KCNQ1: variants seen among roughly 807,000 people sequenced by gnomAD.
KCNQ1 encodes the protein potassium voltage-gated channel subfamily Q member 1.
A neutral mutation model predicts 72.4 loss-of-function variants in KCNQ1; 49 were observed. The observed-to-expected ratio is 0.68, with a 90% CI of 0.54 to 0.86. The LOEUF (loss-of-function observed/expected upper bound fraction) is 0.86, where lower values mean the gene tolerates loss of function less well. KCNQ1 is among the 40% of genes least tolerant of loss of function. KCNQ1 has a pLI of 0.00. For missense variants in KCNQ1, 790 were observed against 945.1 expected, an observed-to-expected ratio of 0.84 and a Z score of 2.15; for synonymous variants, 450 against 412.6, an observed-to-expected ratio of 1.09 and a Z score of -1.10.
rs115432321 is a variant in KCNQ1 at position 2,736,797 on chromosome 11, C to T, written c.1515-32047C>T. Among the ~76,000 whole-genome samples, 462 of 152,336 alleles carry T rather than the reference C, an allele frequency of 3.0e-3. 3 individuals carry two copies. Among genetic ancestry groups the T allele is most frequent in the African/African-American group, 0.011 (443 of 41,580 alleles). On this transcript the variant is annotated intron_variant, in intron 11 of 15. Coordinates refer to ENST00000155840, the MANE Select transcript of KCNQ1 (RefSeq NM_000218.3). ...TCCTGGCTGGCTGGCATGCGCCCTGCGCCTCTGCTGGGCCTGGTGGGGCCT... is the reference window on the plus strand; with the variant it reads ...TCCTGGCTGGCTGGCATGCGCCCTGTGCCTCTGCTGGGCCTGGTGGGGCCT...
Position 2,617,567 on chromosome 11 carries a change from G to C in KCNQ1, c.1393+28713G>C, listed in dbSNP as rs1488761829. On this transcript the variant is annotated intron_variant, in intron 10 of 15. Transcript: ENST00000155840. This position sits in a 1 kb window ranked among gnomAD's most constrained non-coding sequence, Gnocchi z 4.6. ...ATGAGGTGGAGATTTCATTTTCTTT[G>C]GGAATATACCTAGAAGAGGGATTAG... The C allele has an allele frequency of 2.5e-6, 1 of 398,216 alleles. No individual in the cohort carries two copies. The highest frequency in any genetic ancestry group is 4.4e-6 in the Non-Finnish European group (1 of 225,924). 24.7% of individuals were successfully genotyped at this position (398,216 alleles called of 1,614,324 possible).
chr11:2,594,572 T>C (rs2133769158), intron 10 of KCNQ1, among the ~76,000 whole-genome samples: 1 of 152,304 alleles, frequency 6.6e-6, no homozygotes, highest in Middle Eastern at 3.4e-3. Context: ...TCCTCAGCTG[T>C]CTCATAGATT....
rs1470905653 is a variant in KCNQ1 at position 2,824,291 on chromosome 11, C to T, written c.1795-23476C>T. Among the ~76,000 whole-genome samples the T allele has an allele frequency of 6.6e-6, 1 of 152,014 alleles. No homozygotes were observed. The highest frequency in any genetic ancestry group is 2.4e-5 in the African/African-American group (1 of 41,380). ...AGGCCCTGGGAGGAGGGAGGCTAGG[C>T]CCAGGGGTGGAAAGAAGACAGATAC... On this transcript the variant is annotated intron_variant, in intron 15 of 15. Transcript: ENST00000155840. The surrounding 1 kb of genome is among the most constrained non-coding windows in gnomAD (Gnocchi z 5.9).
intron 15 of KCNQ1, among the ~76,000 whole-genome samples, chr11:2,805,965 A>G (rs1224909780): frequency 2.0e-5 from 3 of 152,232 alleles, no homozygotes; most frequent in Non-Finnish European, 4.4e-5. Context: ...GAGAAATTGG[A>G]AACAGACCGC....
intron 15 of KCNQ1, among the ~76,000 whole-genome samples, chr11:2,836,398 G>A (rs1848066649): frequency 6.6e-6 from 1 of 152,178 alleles, no homozygotes; most frequent in Non-Finnish European, 1.5e-5. Context: ...GCCGGAGGTA[G>A]AAGTTTTCAC....
At position 2,815,986 on chromosome 11, in the gene KCNQ1, G is replaced by A. The variant is rs1279789367; in HGVS notation, c.1795-31781G>A. 2.0e-5 allele frequency among the ~76,000 whole-genome samples: 3 copies of A among 152,252 alleles called. No individual in the cohort carries two copies. The highest frequency in any genetic ancestry group is 2.0e-4 in the Admixed American group (3 of 15,284). On this transcript the variant is annotated intron_variant, in intron 15 of 15. Transcript: ENST00000155840. The surrounding 1 kb of genome is among the most constrained non-coding windows in gnomAD (Gnocchi z 5.4). ...GCTGGATATGTTCCCTTGCAGGCGG[G>A]CAGGGCTCTGGGGAGTCCAAGTGTG...
intron 15 of KCNQ1, among the ~76,000 whole-genome samples, chr11:2,792,622 G>A (rs542087041): frequency 1.5e-4 from 23 of 152,268 alleles, no homozygotes; most frequent in East Asian, 9.6e-4. Context: ...CGTTCTGGGC[G>A]GAGGGCACAG....
chr11:2,724,888 G>T lies in KCNQ1; in HGVS notation c.1515-43956G>T, dbSNP rs1392886445. 6.6e-6 allele frequency among the ~76,000 whole-genome samples: 1 copy of T among 152,196 alleles called. No homozygotes were observed. The highest frequency in any genetic ancestry group is 2.4e-5 in the African/African-American group (1 of 41,448). On this transcript the variant is annotated intron_variant, in intron 11 of 15. Coordinates refer to ENST00000155840, the MANE Select transcript of KCNQ1 (RefSeq NM_000218.3). The surrounding 1 kb of genome is among the most constrained non-coding windows in gnomAD (Gnocchi z 6.8). ...GTTCTCAACTGTGAAATGGGAACAC[G>T]GTGGTCTCTGTCACAGGGTAGAGAT...
At position 2,507,746 on chromosome 11, in the gene KCNQ1, G is replaced by T. The variant is rs1847128074; in HGVS notation, c.387-20182G>T. 6.6e-6 allele frequency among the ~76,000 whole-genome samples: 1 copy of T among 152,120 alleles called. No individual in the cohort carries two copies. Among genetic ancestry groups the T allele is most frequent in the South Asian group, 2.1e-4 (1 of 4,824 alleles). On this transcript the variant is annotated intron_variant, in intron 1 of 15. Transcript: ENST00000155840. The surrounding 1 kb of genome is among the most constrained non-coding windows in gnomAD (Gnocchi z 5.4). ...AGGTGTCAGTGTGTAAATGACATGAGCGCAGGGGCTAGACAGGGCCTCCTG... is the reference window on the plus strand; with the variant it reads ...AGGTGTCAGTGTGTAAATGACATGATCGCAGGGGCTAGACAGGGCCTCCTG...
Position 2,658,430 on chromosome 11 carries a change from C to A in KCNQ1, c.1394-3531C>A. On this transcript the variant is annotated intron_variant, in intron 10 of 15. Coordinates refer to ENST00000155840, the MANE Select transcript of KCNQ1 (RefSeq NM_000218.3). The surrounding 1 kb of genome is among the most constrained non-coding windows in gnomAD (Gnocchi z 4.9). ...TTGCTCAAATTGTTCAAGCTGTGGC[C>A]ACTGGTGGGTTCATGTGTCCTTTTG... 3 of 398,506 alleles carry A rather than the reference C, an allele frequency of 7.5e-6. No individual in the cohort carries two copies. Among genetic ancestry groups the A allele is most frequent in the Non-Finnish European group, 1.3e-5 (3 of 226,048 alleles). 24.7% of individuals were successfully genotyped at this position (398,506 alleles called of 1,614,324 possible).
chr11:2,776,909 G>C, intron 13 of KCNQ1, 77 bp from the exon 14 acceptor site: 1 of 1,432,980 alleles, frequency 7.0e-7, no homozygotes, highest in Non-Finnish European at 9.8e-7. Flanking sequence ...ACGTCAAGCT[G>C]TCTGTCCCAC....
chr11:2,727,163 A>G (rs556720968), intron 11 of KCNQ1, among the ~76,000 whole-genome samples: 1 of 152,336 alleles, frequency 6.6e-6, no homozygotes, highest in African/African-American at 2.4e-5. Context: ...GCCATGGGGC[A>G]GTGGGGCTCT....
In KCNQ1 at chr11:2,657,529, G is replaced by C; in HGVS notation, c.1394-4432G>C. The stretch of plus-strand genomic sequence containing the variant: ...AGAAGAGAAACAAAAATAGTACCGA[G>C]TACCCACATCCCTTTCACCAGCTTC... On this transcript the variant is annotated intron_variant, in intron 10 of 15. Coordinates refer to ENST00000155840, the MANE Select transcript of KCNQ1 (RefSeq NM_000218.3). The surrounding 1 kb of genome is among the most constrained non-coding windows in gnomAD (Gnocchi z 4.8). 1 of 398,496 alleles carries C rather than the reference G, an allele frequency of 2.5e-6. No individual in the cohort carries two copies. Among genetic ancestry groups the C allele is most frequent in the Non-Finnish European group, 4.4e-6 (1 of 226,030 alleles). 24.7% of individuals were successfully genotyped at this position (398,496 alleles called of 1,614,324 possible). A position where few individuals can be genotyped will look rare whatever the true frequency, so the allele number is the denominator to read the frequency against.
At chr11:2,542,154 C>G (rs1847837819) in intron 2 of KCNQ1, among the ~76,000 whole-genome samples, 1 of 152,258 alleles carries the variant, frequency 6.6e-6, no homozygotes, top group Non-Finnish European at 1.5e-5. Flanking sequence ...CTCTGCACCT[C>G]AGCTTCCTCA....
intron 1 of KCNQ1, among the ~76,000 whole-genome samples, chr11:2,465,148 C>T (rs1022822916): frequency 3.5e-4 from 54 of 152,202 alleles, no homozygotes; most frequent in African/African-American, 1.3e-3. Flanking sequence ...GGCCCCTTCC[C>T]AGAAGTTTTT....
chr11:2,508,103 C>T lies in KCNQ1; in HGVS notation c.387-19825C>T, dbSNP rs1847134029. Among the ~76,000 whole-genome samples the T allele has an allele frequency of 6.6e-6, 1 of 152,154 alleles. No homozygotes were observed. Among genetic ancestry groups the T allele is most frequent in the Non-Finnish European group, 1.5e-5 (1 of 68,020 alleles). On this transcript the variant is annotated intron_variant, in intron 1 of 15. Coordinates refer to ENST00000155840, the MANE Select transcript of KCNQ1 (RefSeq NM_000218.3). The surrounding 1 kb of genome is among the most constrained non-coding windows in gnomAD (Gnocchi z 6.2). ...GGCCCCACAGAGCTGGCCTGGGCCC[C>T]AGCAGGGGTCTGTGTTGCCTTGGCC... is the stretch of plus-strand genomic sequence containing the variant.
rs373818693 is a variant in KCNQ1, at chr11:2,591,272, C to T, written c.1393+2418C>T. ...AGGAGGCTGGGTGGTGTTCCCTGCC[C>T]CTTGGGGCTTTCCTGGGCATCCCAT... On this transcript the variant is annotated intron_variant, in intron 10 of 15. Coordinates refer to ENST00000155840, the MANE Select transcript of KCNQ1 (RefSeq NM_000218.3). Among the ~76,000 whole-genome samples, 509 of 152,334 alleles carry T rather than the reference C, an allele frequency of 3.3e-3. 1 individual carries two copies. Among genetic ancestry groups the T allele is most frequent in the Non-Finnish European group, 6.0e-3 (407 of 68,032 alleles).
chr11:2,834,467 A>G (rs528237208), intron 15 of KCNQ1, among the ~76,000 whole-genome samples: 1 of 152,248 alleles, frequency 6.6e-6, no homozygotes, highest in African/African-American at 2.4e-5. Context: ...CACAGCATCC[A>G]CTGCCAGCCT....
chr11:2,669,469 G>A lies in KCNQ1; in HGVS notation c.1514+7388G>A, dbSNP rs777595604. The A allele has an allele frequency of 9.5e-5, 38 of 398,492 alleles. 1 individual carries two copies. The highest frequency in any genetic ancestry group is 1.4e-4 in the Non-Finnish European group (32 of 226,084). The allele number at this position is 398,492 out of a possible 1,614,324, so 24.7% of individuals were successfully genotyped here. Reference sequence around the variant, plus strand: ...CTTGCCCTGTAGTTTTCAGTGTGGTGGTCATGAACAGCTTGTCAGATTCAT... The same window carrying A: ...CTTGCCCTGTAGTTTTCAGTGTGGTAGTCATGAACAGCTTGTCAGATTCAT... On this transcript the variant is annotated intron_variant, in intron 11 of 15. Coordinates refer to ENST00000155840, the MANE Select transcript of KCNQ1 (RefSeq NM_000218.3). The surrounding 1 kb of genome is among the most constrained non-coding windows in gnomAD (Gnocchi z 5.6).
Sources: allele counts gnomAD v4.1 joint callset (sites outside exome capture counted in the v4.1 genomes callset), GRCh38; gene constraint gnomAD v4.1.1; non-coding constraint Gnocchi (gnomAD v3.1); transcripts MANE v1.5; gene names NCBI Gene and HGNC (gene_info 2026-07-23, HGNC 2026-07-21).